Variants in CHST8 observed in about 807,000 individuals in gnomAD.
The protein encoded by CHST8 is GALNAC-4-ST1.
Under a neutral mutation model 15.0 loss-of-function variants are expected in CHST8, and 10 were observed. The observed-to-expected ratio is 0.67, with a 90% CI of 0.41 to 1.13. The LOEUF (loss-of-function observed/expected upper bound fraction) is 1.13, where lower values mean the gene tolerates loss of function less well. Among genes scored for constraint, CHST8 ranks in the 50% most tolerant of loss-of-function variants. CHST8 has a pLI of 0.00. For missense variants in CHST8, 634 were observed against 608.2 expected (o/e 1.04, Z -0.45); for synonymous variants, 259 against 256.6 (o/e 1.01, Z -0.09).
rs1972320245 is a variant in CHST8 at position 33,644,170 on chromosome 19, T to A, written c.-164+21874T>A. Among the ~76,000 whole-genome samples the A allele has an allele frequency of 2.0e-5, 3 of 152,174 alleles. No homozygotes were observed. The South Asian group carries it at 6.2e-4, about 31-fold the overall frequency. The stretch of plus-strand genomic sequence containing the variant: ...CTAGTCTCGAACTCCTGACTTCAGG[T>A]GATCCACCCACCTCAGCCTCCCAAA... On this transcript the variant is annotated intron_variant, in intron 1 of 4. Coordinates refer to ENST00000650847, the MANE Select transcript of CHST8 (RefSeq NM_001127895.2).
intron 3 of CHST8, among the ~76,000 whole-genome samples, chr19:33,738,117 A>G (rs549302881): frequency 6.6e-6 from 1 of 152,170 alleles, no homozygotes; most frequent in South Asian, 2.1e-4. Flanking sequence ...TAAATATATC[A>G]TATTCTCTGA....
intron 2 of CHST8, among the ~76,000 whole-genome samples, chr19:33,681,321 T>G (rs1972885370): frequency 6.6e-6 from 1 of 152,154 alleles, no homozygotes. Context: ...AGAACAGTTT[T>G]CAGTTTGACA....
chr19:33,764,873 C>T (rs577812016), intron 3 of CHST8, among the ~76,000 whole-genome samples: 72 of 151,814 alleles, frequency 4.7e-4, no homozygotes, highest in Middle Eastern at 3.2e-3. Flanking sequence ...TCCCAAAATC[C>T]ACTGTATCAT....
At chr19:33,656,019 C>T (rs1003765594) in intron 1 of CHST8, among the ~76,000 whole-genome samples, 8 of 152,166 alleles carry the variant, frequency 5.3e-5, no homozygotes, top group Admixed American at 1.3e-4. Context: ...GATGACGCTT[C>T]CTCTGAGTAC....
At chr19:33,721,934 T>C (rs1050609758) in intron 3 of CHST8, among the ~76,000 whole-genome samples, 6 of 147,772 alleles carry the variant, frequency 4.1e-5, no homozygotes, top group African/African-American at 1.5e-4. Context: ...GATGGACAGA[T>C]GGATGGATGG....
At chr19:33,673,950 C>T (rs1160761830) in intron 2 of CHST8, among the ~76,000 whole-genome samples, 5 of 152,126 alleles carry the variant, frequency 3.3e-5, no homozygotes, top group Non-Finnish European at 5.9e-5. Context: ...TACGGGGTTT[C>T]GCCATGTTGG....
At chr19:33,733,517 G>A (rs1974031306) in intron 3 of CHST8, among the ~76,000 whole-genome samples, 1 of 152,180 alleles carries the variant, frequency 6.6e-6, no homozygotes, top group African/African-American at 2.4e-5. Flanking sequence ...TTACAGGCGT[G>A]AGCCACAGTG....
At chr19:33,651,940 G>A (rs997268792) in intron 1 of CHST8, among the ~76,000 whole-genome samples, 1 of 151,950 alleles carries the variant, frequency 6.6e-6, no homozygotes, top group African/African-American at 2.4e-5. Context: ...TATATTGTTT[G>A]TATCTTCTAT....
At chr19:33,724,608 G>A (rs1039877962) in intron 3 of CHST8, among the ~76,000 whole-genome samples, 1 of 152,210 alleles carries the variant, frequency 6.6e-6, no homozygotes, top group African/African-American at 2.4e-5. Context: ...ATTGCCTGGG[G>A]CTGCATCTGC....
intron 1 of CHST8, among the ~76,000 whole-genome samples, chr19:33,664,943 G>A (rs1319713625): frequency 1.3e-5 from 2 of 152,124 alleles, no homozygotes; most frequent in Non-Finnish European, 2.9e-5. Context: ...TCTTTTTAAT[G>A]GCTAAATACT....
intron 3 of CHST8, among the ~76,000 whole-genome samples, chr19:33,695,243 G>T (rs1378538098): frequency 6.6e-6 from 1 of 152,104 alleles, no homozygotes; most frequent in East Asian, 1.9e-4. Context: ...ACCACAACTG[G>T]CTAGGTATGA....
chr19:33,771,938 ACTTCT>A lies in CHST8; in HGVS notation c.169-13_169-9del, dbSNP rs1386673156. ...AGCTGTCCTTTCCACTCAGATAACC[ACTTCT>A]CTTCTTGCCCCAGGACCTCCCACCA... On this transcript the variant is annotated splice_polypyrimidine_tract_variant and intron_variant, in intron 4 of 4. Transcript: ENST00000650847. The A allele has an allele frequency of 6.5e-7, 1 of 1,535,018 alleles. No individual in the cohort carries two copies. The highest frequency in any genetic ancestry group is 2.3e-5 in the East Asian group (1 of 44,128).
intron 3 of CHST8, among the ~76,000 whole-genome samples, chr19:33,710,981 C>T (rs537752853): frequency 2.0e-5 from 3 of 151,826 alleles, no homozygotes; most frequent in African/African-American, 4.8e-5. Flanking sequence ...TCAGGCGATC[C>T]TCCCTCAGCC....
chr19:33,681,728 AAAC>A (rs1413002556), intron 2 of CHST8, among the ~76,000 whole-genome samples: 1 of 152,184 alleles, frequency 6.6e-6, no homozygotes, highest in Non-Finnish European at 1.5e-5. Flanking sequence ...TGAGATAGGG[AAAC>A]TCAAGTCCTG....
chr19:33,668,162 C>A (rs1032316718), intron 2 of CHST8, among the ~76,000 whole-genome samples: 11 of 152,174 alleles, frequency 7.2e-5, no homozygotes, highest in Non-Finnish European at 1.5e-4. Flanking sequence ...CATGACTCTG[C>A]CCCGTCTGCT....
At chr19:33,716,695 G>C (rs1973671761) in intron 3 of CHST8, among the ~76,000 whole-genome samples, 1 of 152,160 alleles carries the variant, frequency 6.6e-6, no homozygotes, top group African/African-American at 2.4e-5. Flanking sequence ...GAAGGAGGGG[G>C]AAGAGCTTTT....
rs1267166571 is a variant in CHST8 at position 33,668,751 on chromosome 19, G to A, written c.-87+908G>A. On this transcript the variant is annotated intron_variant, in intron 2 of 4. Transcript: ENST00000650847. ...CTTTTCATCTTTTCCTGGGGGTAGA[G>A]CGCTGCAGAATTTTGAATAAAAGAG... Among the ~76,000 whole-genome samples the A allele has an allele frequency of 2.6e-5, 4 of 152,078 alleles. No individual in the cohort carries two copies. In the South Asian group the frequency reaches 6.2e-4, roughly 24 times the overall value.
At chr19:33,666,377 C>T (rs1437813699) in intron 1 of CHST8, among the ~76,000 whole-genome samples, 2 of 152,252 alleles carry the variant, frequency 1.3e-5, no homozygotes, top group African/African-American at 4.8e-5. Flanking sequence ...TCCTCCCAGC[C>T]TCACGGGGAG....
intron 2 of CHST8, among the ~76,000 whole-genome samples, chr19:33,668,338 A>C (rs1218343423): frequency 6.6e-6 from 1 of 152,012 alleles, no homozygotes; most frequent in Non-Finnish European, 1.5e-5. Context: ...TCCTTGGGAG[A>C]GCCTTCGCTG....
Sources: gnomAD v4.1 joint callset for allele counts (sites outside exome capture counted in the v4.1 genomes callset) on GRCh38, gnomAD v4.1.1 for gene constraint, MANE v1.5 for transcripts, NCBI Gene and HGNC (gene_info 2026-07-23, HGNC 2026-07-21) for gene names.